The following MAPRE2 variants were observed in gnomAD, a reference collection of about 807,000 sequenced individuals.
MAPRE2 encodes the protein microtubule-associated protein RP/EB family member 2.
Under a neutral mutation model 43.2 loss-of-function variants are expected in MAPRE2, and 13 were observed. That is an observed-to-expected ratio of 0.30 (90% CI 0.20 to 0.48). The LOEUF (loss-of-function observed/expected upper bound fraction) is 0.48. Among genes scored for constraint, MAPRE2 ranks in the 20% least tolerant of loss-of-function variants. MAPRE2 has a pLI of 0.99. For synonymous variants in MAPRE2, 135 were observed against 148.8 expected, an observed-to-expected ratio of 0.91 and a Z score of 0.68; for missense variants, 161 against 400.2, an observed-to-expected ratio of 0.40 and a Z score of 5.10.
intron 2 of MAPRE2, among the ~76,000 whole-genome samples, chr18:35,016,859 T>C (rs2097038596): frequency 6.6e-6 from 1 of 152,118 alleles, no homozygotes; most frequent in Non-Finnish European, 1.5e-5. Flanking sequence ...TTTAAGAATT[T>C]AGTCATAAAT....
At chr18:35,138,068 G>A (rs1046392623) in intron 6 of MAPRE2, among the ~76,000 whole-genome samples, 3 of 152,180 alleles carry the variant, frequency 2.0e-5, no homozygotes, top group African/African-American at 7.2e-5. Context: ...AGCATGTATG[G>A]CCACACTGTT....
At chr18:35,005,982 C>T (rs896226930) in intron 2 of MAPRE2, among the ~76,000 whole-genome samples, 1 of 152,104 alleles carries the variant, frequency 6.6e-6, no homozygotes. Context: ...TGCGAGCGTG[C>T]GAGCATGTCT....
chr18:35,027,557 A>G (rs1349351440), intron 2 of MAPRE2, among the ~76,000 whole-genome samples: 1 of 152,200 alleles, frequency 6.6e-6, no homozygotes, highest in Non-Finnish European at 1.5e-5. Context: ...TAGCTACATG[A>G]GAGACCATGG....
At chr18:35,063,230 A>C (rs1369741164) in intron 1 of MAPRE2, among the ~76,000 whole-genome samples, 1 of 151,970 alleles carries the variant, frequency 6.6e-6, no homozygotes, top group Non-Finnish European at 1.5e-5. Context: ...CAGCCTCCTG[A>C]GTAGCTGGGA....
rs1296350007 is a variant in MAPRE2 at position 35,082,150 on chromosome 18, C to T, written c.250+11828C>T. The T allele has an allele frequency of 3.5e-5, 4 of 113,226 alleles. 1 individual carries two copies. The highest frequency in any genetic ancestry group is 1.6e-4 in the Admixed American group (2 of 12,138). 7.0% of individuals were successfully genotyped at this position (113,226 alleles called of 1,614,324 possible). On this transcript the variant is annotated intron_variant, in intron 2 of 6. Transcript: ENST00000300249. ...CTAAAAATACAAAAAATTAGCCGGG[C>T]GTAGTGGCGGGCGCCTGTAGTCCCA...
At chr18:35,095,404 A>G (rs954845493) in intron 2 of MAPRE2, among the ~76,000 whole-genome samples, 9 of 147,196 alleles carry the variant, frequency 6.1e-5, no homozygotes, top group East Asian at 2.0e-4. Context: ...ACACACACGC[A>G]CACACACACT....
At position 35,012,047 on chromosome 18, in the gene MAPRE2, C is replaced by A. The variant is rs1457128103; in HGVS notation, c.-8+6494C>A. Among the ~76,000 whole-genome samples, 3 of 152,038 alleles carry A rather than the reference C, an allele frequency of 2.0e-5. No individual in the cohort carries two copies. In the East Asian group the frequency reaches 5.8e-4, roughly 29 times the overall value. Reference sequence around the variant, plus strand: ...TGGGGTTCAGTGGGATCCCTGGGAGCCCCACAAGTGGCAGTGCTGTGGTTG... The same window carrying A: ...TGGGGTTCAGTGGGATCCCTGGGAGACCCACAAGTGGCAGTGCTGTGGTTG... On this transcript the variant is annotated intron_variant, in intron 2 of 7. Transcript: ENST00000413393.
intron 2 of MAPRE2, among the ~76,000 whole-genome samples, chr18:35,036,044 T>TAG (rs962518895): frequency 3.3e-5 from 5 of 151,006 alleles, no homozygotes; most frequent in Admixed American, 6.6e-5. Context: ...TAGAGGTACT[T>TAG]CTCTATGTCC....
chr18:35,116,013 A>G (rs1909392947), intron 4 of MAPRE2, among the ~76,000 whole-genome samples: 1 of 152,212 alleles, frequency 6.6e-6, no homozygotes, highest in African/African-American at 2.4e-5. Context: ...TTCTGGAGAT[A>G]CATAGTGATT....
intron 2 of MAPRE2, among the ~76,000 whole-genome samples, chr18:35,075,570 A>C (rs750920794): frequency 6.6e-6 from 1 of 152,230 alleles, no homozygotes; most frequent in Non-Finnish European, 1.5e-5. Context: ...AAGTTAGGTC[A>C]TCTTAGATTA....
chr18:35,010,666 C>A (rs1029414578), intron 2 of MAPRE2, among the ~76,000 whole-genome samples: 1 of 152,272 alleles, frequency 6.6e-6, no homozygotes, highest in Middle Eastern at 3.4e-3. Context: ...CAGAGATTAA[C>A]GTTCTCATTT....
At chr18:35,092,448 TAC>T (rs957997561) in intron 2 of MAPRE2, among the ~76,000 whole-genome samples, 2 of 152,106 alleles carry the variant, frequency 1.3e-5, no homozygotes, top group African/African-American at 4.8e-5. Context: ...TCTTACCACA[TAC>T]AAAAATCAAC....
chr18:35,117,589 A>C (rs1443531266), intron 4 of MAPRE2, among the ~76,000 whole-genome samples: 1 of 152,124 alleles, frequency 6.6e-6, no homozygotes, highest in Non-Finnish European at 1.5e-5. Flanking sequence ...TCGTCTGCCC[A>C]GTGGGCTGGC....
intron 2 of MAPRE2, among the ~76,000 whole-genome samples, chr18:35,031,736 A>G (rs1026835660): frequency 6.6e-6 from 1 of 152,200 alleles, no homozygotes; most frequent in Admixed American, 6.5e-5. Flanking sequence ...AGCAAGTATG[A>G]GACTTAAAAA....
rs553346898 is a variant in MAPRE2 at position 34,991,472 on chromosome 18, T to G, written c.-69-14020T>G. On this transcript the variant is annotated intron_variant, in intron 1 of 7. Transcript: ENST00000413393. ...AGGAACGAGAGGCTCCTGGTACTGC[T>G]TACCCACAGCTCTCACAATTAGCCA... Among the ~76,000 whole-genome samples, 6 of 152,302 alleles carry G rather than the reference T, an allele frequency of 3.9e-5. No individual in the cohort carries two copies. In the East Asian group the frequency reaches 9.6e-4, roughly 24 times the overall value.
intron 4 of MAPRE2, among the ~76,000 whole-genome samples, chr18:35,125,726 G>A (rs1362333887): frequency 4.6e-5 from 7 of 152,220 alleles, no homozygotes; most frequent in South Asian, 4.1e-4. Context: ...TATTTTGGCC[G>A]CAGAGGCCAT....
chr18:35,134,111 G>A (rs376787415), intron 6 of MAPRE2, among the ~76,000 whole-genome samples: 3 of 152,194 alleles, frequency 2.0e-5, no homozygotes, highest in Admixed American at 1.3e-4. Flanking sequence ...AGGACTTGAC[G>A]TATATTAGCT....
At chr18:35,022,244 G>T (rs537008216) in intron 2 of MAPRE2, among the ~76,000 whole-genome samples, 1 of 152,148 alleles carries the variant, frequency 6.6e-6, no homozygotes, top group Admixed American at 6.5e-5. Context: ...ACTAATGAAA[G>T]AATCCAATTA....
At chr18:35,139,516 T>G (rs1910530696) in intron 6 of MAPRE2, among the ~76,000 whole-genome samples, 1 of 152,224 alleles carries the variant, frequency 6.6e-6, no homozygotes, top group African/African-American at 2.4e-5. Flanking sequence ...GGCTGTTTAT[T>G]TCTAAATAGT....
Sources: allele counts gnomAD v4.1 joint callset (sites outside exome capture counted in the v4.1 genomes callset), GRCh38; gene constraint gnomAD v4.1.1; transcripts MANE v1.5; gene names NCBI Gene and HGNC (gene_info 2026-07-23, HGNC 2026-07-21).